Variants in DPF3 observed in about 807,000 individuals in gnomAD.
DPF3 encodes the protein double PHD fingers 3, also known as zinc finger protein DPF3.
DPF3 carries 18 observed loss-of-function variants against 56.8 expected under a neutral mutation model. The observed-to-expected ratio is 0.32, with a 90% CI of 0.22 to 0.47. The LOEUF (loss-of-function observed/expected upper bound fraction) is 0.47. Among genes scored for constraint, DPF3 ranks in the 20% least tolerant of loss-of-function variants. The pLI, the probability that DPF3 is intolerant of heterozygous loss-of-function variation, is 1.00. For synonymous variants in DPF3, 188 were observed against 180.2 expected (o/e 1.04, Z -0.35); for missense variants, 403 against 488.8 (o/e 0.82, Z 1.65).
At chr14:72,821,406 G>A (rs1168958161) in intron 1 of DPF3, among the ~76,000 whole-genome samples, 1 of 152,076 alleles carries the variant, frequency 6.6e-6, no homozygotes, top group Non-Finnish European at 1.5e-5. Flanking sequence ...AACATAGCAA[G>A]ACCCCATTCT....
chr14:72,800,958 T>C (rs563825140), intron 1 of DPF3, among the ~76,000 whole-genome samples: 2 of 152,356 alleles, frequency 1.3e-5, no homozygotes, highest in South Asian at 4.1e-4. Flanking sequence ...ATAGGCTTAC[T>C]TCTGTATGGT....
intron 8 of DPF3, among the ~76,000 whole-genome samples, chr14:72,630,720 C>T (rs140092960): frequency 6.6e-6 from 1 of 152,308 alleles, no homozygotes; most frequent in African/African-American, 2.4e-5. Context: ...CCAGAACACC[C>T]AGGGCAAAGC....
Position 72,894,090 on chromosome 14 carries a change from T to C in DPF3, c.-2A>G. The stretch of plus-strand genomic sequence containing the variant: ...GGGGTTGTGAATGACAGTCGCCATT[T>C]TGCTACAATGTAACAGAATATTGTC... On this transcript the variant is annotated 5_prime_UTR_variant, in exon 1 of 11. Coordinates refer to ENST00000556509, the MANE Select transcript of DPF3 (RefSeq NM_001280542.3). 6.3e-7 allele frequency: 1 copy of C among 1,575,710 alleles called. No individual in the cohort carries two copies. Among genetic ancestry groups the C allele is most frequent in the Non-Finnish European group, 8.6e-7 (1 of 1,168,632 alleles).
intron 5 of DPF3, 60 bp downstream of exon 5, chr14:72,723,573 G>T: frequency 7.1e-7 from 1 of 1,402,602 alleles, no homozygotes; most frequent in Non-Finnish European, 9.7e-7. Context: ...GAGATCAATC[G>T]TTGGCCGGGC....
intron 6 of DPF3, 128 bp from the exon 7 acceptor site, chr14:72,693,341 C>T: frequency 1.8e-6 from 2 of 1,082,364 alleles, no homozygotes; most frequent in South Asian, 3.3e-5. Flanking sequence ...AAAACTGTCT[C>T]CCATCCCAAC....
At chr14:72,787,962 C>T (rs1376926878) in intron 1 of DPF3, among the ~76,000 whole-genome samples, 1 of 152,198 alleles carries the variant, frequency 6.6e-6, no homozygotes, top group Admixed American at 6.5e-5. Context: ...AGTGTGAGCT[C>T]CCCAGGAGGC....
chr14:72,711,155 G>T (rs2153575311), intron 6 of DPF3, among the ~76,000 whole-genome samples: 1 of 152,312 alleles, frequency 6.6e-6, no homozygotes, highest in Non-Finnish European at 1.5e-5. Flanking sequence ...CCAGAAAGGG[G>T]TTGGGGTCCA....
chr14:72,770,315 A>G (rs545422068), intron 2 of DPF3, among the ~76,000 whole-genome samples: 1 of 152,360 alleles, frequency 6.6e-6, no homozygotes, highest in East Asian at 1.9e-4. Context: ...AACAAGTAAC[A>G]TGCAAGGAGG....
At chr14:72,885,234 G>A (rs983795556) in intron 1 of DPF3, among the ~76,000 whole-genome samples, 2 of 151,452 alleles carry the variant, frequency 1.3e-5, no homozygotes, top group African/African-American at 2.4e-5. Context: ...ATCCCAGAAC[G>A]CAATGGACTA....
At chr14:72,698,044 C>T (rs1887984900) in intron 6 of DPF3, among the ~76,000 whole-genome samples, 1 of 152,184 alleles carries the variant, frequency 6.6e-6, no homozygotes, top group Non-Finnish European at 1.5e-5. Context: ...CCCCAATTTG[C>T]CTGATTAAGG....
chr14:72,728,265 C>T (rs1019219077), intron 4 of DPF3, among the ~76,000 whole-genome samples: 4 of 152,044 alleles, frequency 2.6e-5, no homozygotes, highest in African/African-American at 9.7e-5. Context: ...ACACCAAAGG[C>T]AAGAAGAGAT....
chr14:72,731,706 G>T (rs748641178), intron 4 of DPF3, 101 bp downstream of exon 4: 3 of 1,502,296 alleles, frequency 2.0e-6, no homozygotes, highest in Admixed American at 3.9e-5. Context: ...ACTGAGCCCC[G>T]GCCCTTGAGG....
chr14:72,678,500 T>G (rs1887011971), intron 7 of DPF3, among the ~76,000 whole-genome samples: 3 of 152,228 alleles, frequency 2.0e-5, no homozygotes, highest in Admixed American at 6.5e-5. Flanking sequence ...CAGAGGCTCA[T>G]GAAGGAATTT....
intron 1 of DPF3, among the ~76,000 whole-genome samples, chr14:72,814,758 C>T (rs35322910): frequency 0.2 from 29,790 of 151,198 alleles, 3,167 homozygotes; most frequent in East Asian, 0.38. Flanking sequence ...TGCAGTGAGC[C>T]GAGATCGCGC....
chr14:72,769,235 G>GT (rs1450958230), intron 2 of DPF3, among the ~76,000 whole-genome samples: 1 of 152,148 alleles, frequency 6.6e-6, no homozygotes, highest in Admixed American at 6.5e-5. Flanking sequence ...CGGTCTCTAA[G>GT]TAACTTTTCC....
intron 1 of DPF3, chr14:72,836,163 A>G: frequency 1.0e-6 from 1 of 986,236 alleles, no homozygotes; most frequent in Non-Finnish European, 1.2e-6. Context: ...TTGTGTTCTC[A>G]GAAGGGGTTG....
At chr14:72,775,182 T>C (rs1891699332) in intron 1 of DPF3, among the ~76,000 whole-genome samples, 1 of 151,976 alleles carries the variant, frequency 6.6e-6, no homozygotes, top group Non-Finnish European at 1.5e-5. Context: ...ATGTTAATTA[T>C]CCCAACCTCA....
At chr14:72,846,020 G>A (rs1884735660) in intron 1 of DPF3, among the ~76,000 whole-genome samples, 1 of 152,222 alleles carries the variant, frequency 6.6e-6, no homozygotes, top group Middle Eastern at 3.4e-3. Context: ...AGCTCCCTAG[G>A]AGGTCTCACT....
intron 1 of DPF3, among the ~76,000 whole-genome samples, chr14:72,848,254 C>T (rs917130069): frequency 1.3e-5 from 2 of 152,196 alleles, no homozygotes; most frequent in Non-Finnish European, 2.9e-5. Context: ...ACCTCTGCCT[C>T]CTGGGTTCAA....
Sources: allele counts gnomAD v4.1 joint callset (sites outside exome capture counted in the v4.1 genomes callset), GRCh38; gene constraint gnomAD v4.1.1; transcripts MANE v1.5; gene names NCBI Gene and HGNC (gene_info 2026-07-23, HGNC 2026-07-21).